CNGB3: variants seen among roughly 807,000 people sequenced by gnomAD.
CNGB3 encodes the protein cyclic nucleotide-gated channel beta-3.
A neutral mutation model predicts 92.8 loss-of-function variants in CNGB3; 86 were observed. That is an observed-to-expected ratio of 0.93 (90% CI 0.78 to 1.11). CNGB3 has a LOEUF of 1.11. CNGB3 is among the 50% of genes least tolerant of loss of function. The pLI, the probability that CNGB3 is intolerant of heterozygous loss-of-function variation, is 0.00. For synonymous variants in CNGB3, 333 were observed against 332.7 expected (o/e 1.00, Z -0.01); for missense variants, 1,026 against 956.8 (o/e 1.07, Z -0.95).
intron 3 of CNGB3, among the ~76,000 whole-genome samples, chr8:86,680,719 T>G (rs1177566545): frequency 6.6e-6 from 1 of 152,120 alleles, no homozygotes; most frequent in Non-Finnish European, 1.5e-5. Flanking sequence ...ACAGTGGTTT[T>G]CCCTCATAGT....
At chr8:86,723,765 C>T (rs1481300906) in intron 3 of CNGB3, among the ~76,000 whole-genome samples, 1 of 152,204 alleles carries the variant, frequency 6.6e-6, no homozygotes, top group African/African-American at 2.4e-5. Context: ...AAAGCAAGAA[C>T]TTTAAGCTAA....
chr8:86,741,312 C>G (rs67825168), intron 1 of CNGB3, among the ~76,000 whole-genome samples: 2 of 151,950 alleles, frequency 1.3e-5, no homozygotes, highest in African/African-American at 4.8e-5. Flanking sequence ...CTATTTTTTC[C>G]CATACCCACA....
intron 3 of CNGB3, among the ~76,000 whole-genome samples, chr8:86,719,970 G>A (rs1163502005): frequency 1.3e-5 from 2 of 151,948 alleles, no homozygotes; most frequent in South Asian, 2.1e-4. Flanking sequence ...CTGGATCCTG[G>A]TCTCTCACCT....
Position 86,579,228 on chromosome 8 carries a change from G to A in CNGB3, c.1806C>T (p.Asn602=), listed in dbSNP as rs769171325. ...GGGCCACCACATTGGCAGTTCGACG[G>A]TTTCCTCCTCCTGCTGCTAGAAGGC... ...EISLLAAGGG[N]RRTANVVAHG... is the part of the protein sequence containing the mutation. The change falls in exon 16 of 18, where the codon AAC becomes AAT. Residue 602 remains asparagine (N), a synonymous_variant. Transcript: ENST00000320005. 6 of 1,614,056 alleles carry A rather than the reference G, an allele frequency of 3.7e-6. No individual in the cohort carries two copies. Among genetic ancestry groups the A allele is most frequent in the Admixed American group, 3.3e-5 (2 of 60,004 alleles).
chr8:86,664,318 G>T (rs570047974), intron 6 of CNGB3, among the ~76,000 whole-genome samples: 3 of 152,348 alleles, frequency 2.0e-5, no homozygotes, highest in East Asian at 3.9e-4. Context: ...ACCTTCTGAA[G>T]ATTCAACAGA....
chr8:86,682,143 C>T (rs1824093326), intron 3 of CNGB3, among the ~76,000 whole-genome samples: 1 of 152,110 alleles, frequency 6.6e-6, no homozygotes, highest in South Asian at 2.1e-4. Flanking sequence ...GCTGACCTTT[C>T]CCTGAATCTA....
intron 2 of CNGB3, among the ~76,000 whole-genome samples, chr8:86,728,883 G>A (rs917076478): frequency 3.9e-5 from 6 of 152,100 alleles, no homozygotes; most frequent in African/African-American, 1.4e-4. Flanking sequence ...AATCTGTACT[G>A]TAAAACATTT....
At chr8:86,644,542 C>T (rs900436551) in intron 9 of CNGB3, 80 bp downstream of exon 9, 2 of 1,553,142 alleles carry the variant, frequency 1.3e-6, no homozygotes, top group Non-Finnish European at 8.8e-7. Flanking sequence ...AGAGGGGGGT[C>T]ATATCCCTGC....
At chr8:86,602,335 A>T (rs1044955268) in intron 15 of CNGB3, among the ~76,000 whole-genome samples, 1 of 152,210 alleles carries the variant, frequency 6.6e-6, no homozygotes, top group Non-Finnish European at 1.5e-5. Flanking sequence ...TAAAAAGAGA[A>T]GCCACATTAA....
intron 15 of CNGB3, among the ~76,000 whole-genome samples, chr8:86,597,554 A>G (rs1183631716): frequency 6.6e-6 from 1 of 152,228 alleles, no homozygotes; most frequent in African/African-American, 2.4e-5. Context: ...AAGGCCTGAA[A>G]GAAGCTGAGA....
chr8:86,733,094 A>T (rs1269187002), intron 2 of CNGB3, among the ~76,000 whole-genome samples: 1 of 151,508 alleles, frequency 6.6e-6, no homozygotes, highest in Non-Finnish European at 1.5e-5. Flanking sequence ...TCTTCCCCCC[A>T]CCTTCCTCCC....
At chr8:86,691,676 C>G (rs943388800) in intron 3 of CNGB3, among the ~76,000 whole-genome samples, 7 of 151,976 alleles carry the variant, frequency 4.6e-5, no homozygotes, top group Non-Finnish European at 1.0e-4. Context: ...TTCAAATAAC[C>G]AGTGTTTTTG....
intron 15 of CNGB3, among the ~76,000 whole-genome samples, chr8:86,584,424 C>T (rs1821853614): frequency 6.6e-6 from 1 of 152,096 alleles, no homozygotes; most frequent in East Asian, 1.9e-4. Context: ...ATTTAAATGT[C>T]AGGTTATTTT....
chr8:86,672,208 C>G (rs1013543781), intron 3 of CNGB3, among the ~76,000 whole-genome samples: 1 of 152,072 alleles, frequency 6.6e-6, no homozygotes, highest in Admixed American at 6.5e-5. Context: ...AAGCAATTCT[C>G]ATGCCGCAGC....
intron 3 of CNGB3, among the ~76,000 whole-genome samples, chr8:86,674,253 A>G (rs1823921188): frequency 6.6e-6 from 1 of 152,244 alleles, no homozygotes; most frequent in African/African-American, 2.4e-5. Flanking sequence ...GCCCTAATTG[A>G]CCATATAATT....
chr8:86,643,198 TA>T (rs1026482942), intron 10 of CNGB3, among the ~76,000 whole-genome samples: 1 of 151,522 alleles, frequency 6.6e-6, no homozygotes, highest in Non-Finnish European at 1.5e-5. Flanking sequence ...ATTGACTTAC[TA>T]AAGAGGTTTT....
intron 3 of CNGB3, among the ~76,000 whole-genome samples, chr8:86,703,453 T>C (rs1248685486): frequency 4.6e-5 from 7 of 152,236 alleles, no homozygotes; most frequent in Non-Finnish European, 7.3e-5. Context: ...CATTTCCGTC[T>C]ACCCCTTAGC....
chr8:86,720,788 A>G (rs946092482), intron 3 of CNGB3, among the ~76,000 whole-genome samples: 1 of 150,910 alleles, frequency 6.6e-6, no homozygotes, highest in Admixed American at 6.6e-5. Context: ...TGTGATATAT[A>G]TCACAACTTA....
chr8:86,611,576 G>A lies in CNGB3; in HGVS notation c.1662+12C>T. On this transcript the variant is annotated intron_variant, in intron 14 of 17. Transcript: ENST00000320005. ...TTATTAGTTGTGCATTTGAAAAATA[G>A]CATGCACTCACCTTTTTGCAGACAA... is the stretch of plus-strand genomic sequence containing the variant. 1 of 1,596,588 alleles carries A rather than the reference G, an allele frequency of 6.3e-7. No individual in the cohort carries two copies.
Sources: allele counts gnomAD v4.1 joint callset (sites outside exome capture counted in the v4.1 genomes callset), GRCh38; gene constraint gnomAD v4.1.1; transcripts MANE v1.5; gene names NCBI Gene and HGNC (gene_info 2026-07-23, HGNC 2026-07-21).